The following DLC1 variants were observed in gnomAD, a reference collection of about 807,000 sequenced individuals.
DLC1 encodes rho GTPase-activating protein 7.
Under a neutral mutation model 140.3 loss-of-function variants are expected in DLC1, and 54 were observed. The ratio of observed to expected loss-of-function variants is 0.38; its 90% CI spans 0.31 to 0.48. The LOEUF (loss-of-function observed/expected upper bound fraction) is 0.48, where lower values mean the gene tolerates loss of function less well. Ranked by LOEUF, DLC1 falls within the 20% of genes least tolerant of loss-of-function variation. The pLI, the probability that DLC1 is intolerant of heterozygous loss-of-function variation, is 0.96. For synonymous variants in DLC1, 986 were observed against 728.1 expected (o/e 1.35, Z -5.70); for missense variants, 2,536 against 1,907.0 (o/e 1.33, Z -6.14).
intron 2 of DLC1, among the ~76,000 whole-genome samples, chr8:13,481,144 G>C (rs189176957): frequency 6.6e-6 from 1 of 152,104 alleles, no homozygotes; most frequent in Non-Finnish European, 1.5e-5. Context: ...CAACAAATAG[G>C]CTGGGTGCAG....
At chr8:13,290,619 A>C (rs528158474) in intron 5 of DLC1, among the ~76,000 whole-genome samples, 26 of 152,320 alleles carry the variant, frequency 1.7e-4, no homozygotes, top group African/African-American at 6.3e-4. Context: ...TAAAGAGTAT[A>C]AAAGGATGCC....
intron 5 of DLC1, among the ~76,000 whole-genome samples, chr8:13,224,336 G>C (rs899486653): frequency 2.4e-4 from 37 of 152,336 alleles, no homozygotes; most frequent in African/African-American, 8.9e-4. Context: ...CTGAGGAGCA[G>C]ATTTCAGTCC....
At chr8:13,531,921 C>A (rs1803112221) in intron 1 of DLC1, among the ~76,000 whole-genome samples, 1 of 152,184 alleles carries the variant, frequency 6.6e-6, no homozygotes, top group Admixed American at 6.5e-5. Context: ...AATGCATCCA[C>A]TTACAGAACT....
At chr8:13,157,494 G>A (rs1232863297) in intron 5 of DLC1, among the ~76,000 whole-genome samples, 2 of 152,154 alleles carry the variant, frequency 1.3e-5, no homozygotes, top group East Asian at 1.9e-4. Flanking sequence ...GGGTAATTTA[G>A]CATTTGAAAA....
intron 4 of DLC1, among the ~76,000 whole-genome samples, chr8:13,354,279 C>T (rs904104004): frequency 5.3e-5 from 8 of 152,130 alleles, no homozygotes; most frequent in Non-Finnish European, 1.2e-4. Context: ...GAAATTTGTA[C>T]TTCTGTCTTG....
At chr8:13,122,885 C>A (rs1821219323) in intron 5 of DLC1, among the ~76,000 whole-genome samples, 1 of 151,550 alleles carries the variant, frequency 6.6e-6, no homozygotes, top group Admixed American at 6.6e-5. Flanking sequence ...TTAACAATAG[C>A]TAACTCAAAT....
intron 5 of DLC1, among the ~76,000 whole-genome samples, chr8:13,143,217 GACCATAT>G (rs1487930845): frequency 6.6e-6 from 1 of 152,092 alleles, no homozygotes; most frequent in African/African-American, 2.4e-5. Context: ...CAAAAGCACT[GACCATAT>G]ACTAAACCAT....
At chr8:13,454,500 G>C (rs1799301947) in intron 2 of DLC1, among the ~76,000 whole-genome samples, 1 of 152,120 alleles carries the variant, frequency 6.6e-6, no homozygotes, top group African/African-American at 2.4e-5. Context: ...GTTAGACTTG[G>C]AACAAATGTG....
chr8:13,248,858 CT>C (rs1052886378), intron 5 of DLC1, among the ~76,000 whole-genome samples: 1 of 152,112 alleles, frequency 6.6e-6, no homozygotes, highest in Middle Eastern at 3.4e-3. Context: ...TGCAATTCAC[CT>C]TTTTTTTCCC....
At chr8:13,343,496 A>T (rs1308255781) in intron 4 of DLC1, among the ~76,000 whole-genome samples, 1 of 152,196 alleles carries the variant, frequency 6.6e-6, no homozygotes, top group Non-Finnish European at 1.5e-5. Context: ...AAATGTATTG[A>T]TTGTCTACTC....
chr8:13,354,034 A>T (rs1333854153), intron 4 of DLC1, among the ~76,000 whole-genome samples: 1 of 82,368 alleles, frequency 1.2e-5, no homozygotes, highest in East Asian at 3.5e-4. Flanking sequence ...CCATCCAGAC[A>T]TACTGAACTT....
intron 6 of DLC1, among the ~76,000 whole-genome samples, chr8:13,111,666 C>G (rs1309052163): frequency 6.6e-6 from 1 of 152,072 alleles, no homozygotes; most frequent in East Asian, 1.9e-4. Flanking sequence ...TCTGAAATTG[C>G]CACTGGATAA....
intron 4 of DLC1, among the ~76,000 whole-genome samples, chr8:13,316,066 C>T (rs1191538695): frequency 6.6e-6 from 1 of 152,250 alleles, no homozygotes; most frequent in Admixed American, 6.5e-5. Context: ...ACCTCCCTTT[C>T]AAGAACAGCA....
intron 5 of DLC1, among the ~76,000 whole-genome samples, chr8:13,211,536 G>C (rs1307100056): frequency 6.6e-6 from 1 of 152,150 alleles, no homozygotes; most frequent in Admixed American, 6.6e-5. Context: ...GCATCAGCTG[G>C]GTGTGGGGAA....
At chr8:13,532,024 T>C (rs978483466) in intron 1 of DLC1, among the ~76,000 whole-genome samples, 9 of 152,224 alleles carry the variant, frequency 5.9e-5, no homozygotes, top group Non-Finnish European at 1.2e-4. Flanking sequence ...GAAGCCTAAG[T>C]CTAGCTTATG....
chr8:13,323,005 G>T (rs1833186708), intron 4 of DLC1, among the ~76,000 whole-genome samples: 1 of 152,154 alleles, frequency 6.6e-6, no homozygotes, highest in Non-Finnish European at 1.5e-5. Flanking sequence ...GGGTCACATG[G>T]CAAGGAAGCA....
chr8:13,505,247 C>A (rs72603986), intron 1 of DLC1, among the ~76,000 whole-genome samples: 5,187 of 151,716 alleles, frequency 0.034, 308 homozygotes, highest in East Asian at 0.22. Context: ...ATTTTCAGTG[C>A]ATAGGATTCT....
At chr8:13,537,810 T>C (rs112137782) in intron 1 of DLC1, among the ~76,000 whole-genome samples, 319 of 151,950 alleles carry the variant, frequency 2.1e-3, no homozygotes, top group African/African-American at 3.5e-3. Flanking sequence ...CCCGCCACCA[T>C]GCCCGCCTAA....
chr8:13,319,821 C>CTCTTTTTTT (rs1833018349), intron 4 of DLC1, among the ~76,000 whole-genome samples: 1 of 88,978 alleles, frequency 1.1e-5, no homozygotes, highest in Non-Finnish European at 1.9e-5. Context: ...CTCTCTCTCT[C>CTCTTTTTTT]TTTTTTTTTT....
Sources: allele counts gnomAD v4.1 joint callset (sites outside exome capture counted in the v4.1 genomes callset), GRCh38; gene constraint gnomAD v4.1.1; transcripts MANE v1.5; gene names NCBI Gene and HGNC (gene_info 2026-07-23, HGNC 2026-07-21).